Variants in ZNF608 observed in about 807,000 individuals in gnomAD.
ZNF608 encodes the protein renal carcinoma antigen NY-REN-36.
A neutral mutation model predicts 109.0 loss-of-function variants in ZNF608; 12 were observed. The ratio of observed to expected loss-of-function variants is 0.11; its 90% confidence interval spans 0.07 to 0.18. The LOEUF is 0.18. ZNF608 is among the 10% of genes least tolerant of loss of function. The pLI is 1.00. For missense variants in ZNF608, 1,707 were observed against 1,879.3 expected, an observed-to-expected ratio of 0.91 and a Z score of 1.70; for synonymous variants, 732 against 717.4, an observed-to-expected ratio of 1.02 and a Z score of -0.33.
intron 2 of ZNF608, among the ~76,000 whole-genome samples, chr5:124,724,103 G>A (rs914037513): frequency 2.0e-5 from 3 of 152,108 alleles, no homozygotes; most frequent in African/African-American, 7.2e-5. Flanking sequence ...CAATCAAGTT[G>A]GGGGGCAATT....
chr5:124,708,985 AACATGG>A (rs1561575215), intron 2 of ZNF608, among the ~76,000 whole-genome samples: 1 of 152,098 alleles, frequency 6.6e-6, no homozygotes, highest in Non-Finnish European at 1.5e-5. Context: ...CAGCCTGACC[AACATGG>A]AAAAACCCAG....
At chr5:124,719,503 T>C (rs1423271306) in intron 2 of ZNF608, among the ~76,000 whole-genome samples, 3 of 152,328 alleles carry the variant, frequency 2.0e-5, no homozygotes, top group Non-Finnish European at 4.4e-5. Flanking sequence ...TCATTTGTTG[T>C]TCACCACTTC....
rs925943364 is a variant in ZNF608, at chr5:124,745,180, G to T, written c.-183-8C>A. ...GTCCAGGTCCACCTTTTCCTGTGAA[G>T]GGGGGGGGAAAAGTCGAATATTTCT... On this transcript the variant is annotated splice_polypyrimidine_tract_variant and splice_region_variant and intron_variant, in intron 1 of 9. Transcript: ENST00000513986. 3 of 753,368 alleles carry T rather than the reference G, an allele frequency of 4.0e-6. No individual in the cohort carries two copies. In the African/African-American group the frequency reaches 6.7e-5, roughly 17 times the overall value. The allele number at this position is 753,368 out of a possible 1,614,324, so 46.7% of individuals were successfully genotyped here. A position where few individuals can be genotyped will look rare whatever the true frequency, so the allele number is the denominator to read the frequency against.
chr5:124,737,463 C>A (rs1749202961), intron 2 of ZNF608, among the ~76,000 whole-genome samples: 1 of 152,124 alleles, frequency 6.6e-6, no homozygotes. Context: ...CATTTCAAAC[C>A]TATTTGTTCT....
At chr5:124,709,209 G>C (rs912024349) in intron 2 of ZNF608, among the ~76,000 whole-genome samples, 2 of 140,752 alleles carry the variant, frequency 1.4e-5, no homozygotes, top group African/African-American at 5.3e-5. Flanking sequence ...TCTGGGTTCT[G>C]CATGGTACTG....
At chr5:124,691,118 G>A (rs140579284) in intron 3 of ZNF608, among the ~76,000 whole-genome samples, 20 of 152,158 alleles carry the variant, frequency 1.3e-4, no homozygotes, top group African/African-American at 2.9e-4. Context: ...TGAGACCCCC[G>A]TCTCAGCCAG....
chr5:124,649,503 G>T, intron 4 of ZNF608, 107 bp downstream of exon 4: 2 of 877,766 alleles, frequency 2.3e-6, no homozygotes, highest in Non-Finnish European at 1.7e-6. Flanking sequence ...TTTCTCCTTT[G>T]CCTGGTTTCA....
intron 2 of ZNF608, among the ~76,000 whole-genome samples, chr5:124,739,872 C>T (rs1164803530): frequency 6.6e-6 from 1 of 152,158 alleles, no homozygotes; most frequent in African/African-American, 2.4e-5. Context: ...TTATTGAACA[C>T]CTCTGTGGTT....
chr5:124,736,547 C>T (rs1045303436), intron 2 of ZNF608, among the ~76,000 whole-genome samples: 11 of 151,962 alleles, frequency 7.2e-5, no homozygotes, highest in Non-Finnish European at 1.2e-4. Flanking sequence ...ACTTTTATGC[C>T]AGCTGAATCC....
intron 3 of ZNF608, among the ~76,000 whole-genome samples, chr5:124,665,816 C>T (rs1415243054): frequency 3.3e-5 from 5 of 152,256 alleles, no homozygotes; most frequent in Non-Finnish European, 4.4e-5. Flanking sequence ...TCTCCCACTA[C>T]TCCTTGCAGT....
rs768167740 is a variant in ZNF608, at chr5:124,647,755, C to T, written c.2629G>A (p.Ala877Thr). 2.5e-6 allele frequency: 4 copies of T among 1,614,070 alleles called. No homozygotes were observed. The highest frequency in any genetic ancestry group is 4.5e-5 in the East Asian group (2 of 44,864). The change falls in exon 5 of 10, where the codon GCC (alanine) becomes ACC (threonine). Residue 877 changes from alanine (A) to threonine (T), a missense_variant. Physicochemically the swap from Ala to Thr is moderately conservative, Grantham distance 58 (BLOSUM62 0). This residue lies in a region of ZNF608 where 1,073 missense variants were observed against 1,133.5 expected (regional missense o/e 0.95). Coordinates refer to ENST00000513986, the MANE Select transcript of ZNF608 (RefSeq NM_020747.3). ...TTATCGGCCTCAGCTTTGATACTGG[C>T]CATGCGGCTCTCCTGAGACTCCGAC... ...GLSESQESRM[A>T]SIKAEADKVY... is the part of the protein sequence containing the mutation.
intron 2 of ZNF608, among the ~76,000 whole-genome samples, chr5:124,714,716 A>G (rs952953690): frequency 6.6e-5 from 10 of 152,240 alleles, no homozygotes; most frequent in Non-Finnish European, 1.2e-4. Flanking sequence ...AATGTTAGTT[A>G]TTATTGTCCT....
intron 3 of ZNF608, among the ~76,000 whole-genome samples, chr5:124,662,999 T>C (rs1174198948): frequency 2.0e-5 from 3 of 152,196 alleles, no homozygotes; most frequent in East Asian, 3.8e-4. Flanking sequence ...TGGGGATTAG[T>C]ATATAGGGCA....
rs1352492957 is a variant in ZNF608, at chr5:124,647,157, T to G, written c.3227A>C (p.Gln1076Pro). The change falls in exon 5 of 10, where the codon CAG (glutamine) becomes CCG (proline). Residue 1076 changes from glutamine (Q) to proline (P), a missense_variant. Coordinates refer to ENST00000513986, the MANE Select transcript of ZNF608 (RefSeq NM_020747.3). ...VITQRHPALAQSLYYGQYAYG... is the reference protein window; with the variant it reads ...VITQRHPALAPSLYYGQYAYG... ...TGCATACTGGCCATAATAAAGTGAC[T>G]GAGCCAGGGCAGGATGTCTTTGTGT... The G allele has an allele frequency of 1.2e-6, 2 of 1,614,220 alleles. No homozygotes were observed. Among genetic ancestry groups the G allele is most frequent in the Admixed American group, 3.3e-5 (2 of 60,030 alleles).
At position 124,685,302 on chromosome 5, in the gene ZNF608, G is replaced by A. The variant is rs78321302; in HGVS notation, c.1162+15712C>T. Among the ~76,000 whole-genome samples, 1,291 of 151,612 alleles carry A rather than the reference G, an allele frequency of 8.5e-3. 29 individuals carry two copies. Among genetic ancestry groups the A allele is most frequent in the African/African-American group, 0.029 (1,208 of 40,982 alleles). On this transcript the variant is annotated intron_variant, in intron 3 of 9. Coordinates refer to ENST00000513986, the MANE Select transcript of ZNF608 (RefSeq NM_020747.3). ...CTGGCACTCTTGCTACACTTTTGTT[G>A]CTTTTCATTAATGATCGGAATGAAA...
intron 2 of ZNF608, among the ~76,000 whole-genome samples, chr5:124,703,041 C>A (rs752739352): frequency 6.6e-6 from 1 of 151,800 alleles, no homozygotes; most frequent in Non-Finnish European, 1.5e-5. Flanking sequence ...AGATTAGAAT[C>A]ACTTTCCAGA....
chr5:124,748,518 C>G (rs1235071124), upstream of ZNF608: 1 of 985,002 alleles, frequency 1.0e-6, no homozygotes, highest in South Asian at 4.7e-5. Flanking sequence ...AGACACACCA[C>G]GCAACCGTAC....
intron 2 of ZNF608, among the ~76,000 whole-genome samples, chr5:124,704,338 C>T (rs1753172278): frequency 6.6e-6 from 1 of 152,082 alleles, no homozygotes; most frequent in African/African-American, 2.4e-5. Context: ...ACTGCCACTC[C>T]CATAGGTACC....
intron 4 of ZNF608, 77 bp from the exon 5 acceptor site, chr5:124,649,210 T>C: frequency 1.6e-6 from 2 of 1,248,826 alleles, no homozygotes; most frequent in East Asian, 4.9e-5. Flanking sequence ...CACAATGCAG[T>C]AAAGAGGAGT....
Sources: gnomAD v4.1 joint callset for allele counts (sites outside exome capture counted in the v4.1 genomes callset) on GRCh38, gnomAD v4.1.1 for gene constraint, gnomAD v4.1.1 regional missense constraint, MANE v1.5 for transcripts, NCBI Gene and HGNC (gene_info 2026-07-23, HGNC 2026-07-21) for gene names.